Variants in PSMB5 observed in about 807,000 individuals in gnomAD.
PSMB5 encodes proteasome subunit beta type-5.
Under a neutral mutation model 22.8 loss-of-function variants are expected in PSMB5, and 2 were observed. The ratio of observed to expected loss-of-function variants is 0.09; its 90% confidence interval spans 0.04 to 0.28. The LOEUF (loss-of-function observed/expected upper bound fraction) is 0.28, where lower values mean the gene tolerates loss of function less well. PSMB5 is among the 10% of genes least tolerant of loss of function. PSMB5 has a pLI of 1.00. For synonymous variants in PSMB5, 133 were observed against 135.3 expected (o/e 0.98, Z 0.12); for missense variants, 269 against 343.8 (o/e 0.78, Z 1.72).
chr14:23,027,651 G>GAAAA, intron 2 of PSMB5: 3 of 742,154 alleles, frequency 4.0e-6, no homozygotes, highest in Non-Finnish European at 6.0e-6. Flanking sequence ...CTGTCTTCAG[G>GAAAA]AAAAAAAAAA....
intron 2 of PSMB5, among the ~76,000 whole-genome samples, chr14:23,031,886 C>T (rs1370700046): frequency 2.0e-5 from 3 of 152,126 alleles, no homozygotes; most frequent in Non-Finnish European, 4.4e-5. Context: ...GTCAGGAGTT[C>T]AAGACCAGCC....
At chr14:23,032,534 G>A in intron 2 of PSMB5, among the ~76,000 whole-genome samples, 1 of 152,026 alleles carries the variant, frequency 6.6e-6, no homozygotes. Flanking sequence ...GTAGCCACAA[G>A]CCACACATGG....
intron 2 of PSMB5, among the ~76,000 whole-genome samples, chr14:23,026,880 T>G (rs1234197483): frequency 7.3e-6 from 1 of 136,556 alleles, no homozygotes; most frequent in African/African-American, 2.8e-5. Context: ...GTCAGGCGTT[T>G]GAGACCAGCC....
chr14:23,034,933 C>G, upstream of PSMB5: 1 of 1,568,280 alleles, frequency 6.4e-7, no homozygotes, highest in Non-Finnish European at 8.7e-7. Flanking sequence ...CAAAGATAGG[C>G]CGGGCAACGC....
At chr14:23,034,139 A>AC (rs2046974294) in intron 1 of PSMB5, among the ~76,000 whole-genome samples, 1 of 152,226 alleles carries the variant, frequency 6.6e-6, no homozygotes, top group African/African-American at 2.4e-5. Context: ...AAAAAAAAAA[A>AC]AACAAATCAT....
At position 23,026,365 on chromosome 14, in the gene PSMB5, G is replaced by A. The variant is rs562640901; in HGVS notation, c.516C>T (p.Tyr172=). 2.7e-5 allele frequency: 43 copies of A among 1,613,492 alleles called. No individual in the cohort carries two copies. Among genetic ancestry groups the A allele is most frequent in the African/African-American group, 2.1e-4 (16 of 74,720 alleles). Residue 172 remains tyrosine, a synonymous_variant, in exon 3 of 3, where the codon TAC becomes TAT. Transcript: ENST00000361611. ...GWDKRGPGLY[Y]VDSEGNRISG... ...AAATCCGGTTCCCTTCACTGTCCAC[G>A]TAGTAGAGGCCTGGAAAGGGAGATG... is the stretch of plus-strand genomic sequence containing the variant.
rs1832958139 is a variant in PSMB5 at position 23,025,975 on chromosome 14, T to C, written c.*114A>G. On this transcript the variant is annotated 3_prime_UTR_variant, in exon 3 of 3. Coordinates refer to ENST00000361611, the MANE Select transcript of PSMB5 (RefSeq NM_002797.5). ...CAATGTGCCAGAGCTTAAAAAAAAG[T>C]ACTGATACAATTGAAGGCCCTTCCA... The C allele has an allele frequency of 2.0e-6, 3 of 1,528,464 alleles. No individual in the cohort carries two copies. The highest frequency in any genetic ancestry group is 4.5e-5 in the East Asian group (2 of 44,194). The allele number at this position is 1,528,464 out of a possible 1,614,324, so 94.7% of individuals were successfully genotyped here.
At chr14:23,029,171 A>G (rs561596004) in intron 2 of PSMB5, among the ~76,000 whole-genome samples, 1 of 152,240 alleles carries the variant, frequency 6.6e-6, no homozygotes, top group Non-Finnish European at 1.5e-5. Context: ...AGCCAGCTTG[A>G]GCACCTCTGC....
At chr14:23,027,842 A>G (rs760874814) in intron 2 of PSMB5, 141 of 1,535,024 alleles carry the variant, frequency 9.2e-5, no homozygotes, top group Non-Finnish European at 1.2e-4. Context: ...GTGAAAGATA[A>G]CATTTAAAAC....
At position 23,034,814 on chromosome 14, in the gene PSMB5, C is replaced by A; in HGVS notation, c.68G>T (p.Gly23Val). ...ACCTAGATCCAGCAGATCTGCACGA[C>A]CCCCAAGTCCGAAAAACCCGCGCTG... is the stretch of plus-strand genomic sequence containing the variant. ...VNQRGFFGLG[G>V]RADLLDLGPG... is the part of the protein sequence containing the mutation. The change falls in exon 1 of 3, where the codon GGT becomes GTT. Residue 23 changes from glycine (G) to valine (V), a missense_variant. Physicochemically the swap from Gly to Val is moderately radical, Grantham distance 109. Around this residue, in one of 3 missense-constraint regions of PSMB5, gnomAD observed 81 missense variants for 70.4 expected, o/e 1.15. Coordinates refer to ENST00000361611, the MANE Select transcript of PSMB5 (RefSeq NM_002797.5). 1.9e-6 allele frequency: 3 copies of A among 1,614,244 alleles called. No individual in the cohort carries two copies. The highest frequency in any genetic ancestry group is 2.5e-6 in the Non-Finnish European group (3 of 1,180,044).
chr14:23,033,151 G>A (rs1231291338), intron 2 of PSMB5, among the ~76,000 whole-genome samples: 1 of 151,298 alleles, frequency 6.6e-6, no homozygotes, highest in African/African-American at 2.4e-5. Context: ...GGGGGCGGAG[G>A]CTGCAGTGAG....
At chr14:23,026,980 G>A (rs1372174303) in intron 2 of PSMB5, among the ~76,000 whole-genome samples, 6 of 151,750 alleles carry the variant, frequency 4.0e-5, no homozygotes, top group Non-Finnish European at 8.8e-5. Context: ...TACTCAGGAG[G>A]CTGATGCAGG....
intron 2 of PSMB5, chr14:23,027,746 T>C: frequency 6.5e-7 from 1 of 1,543,718 alleles, no homozygotes; most frequent in Non-Finnish European, 8.8e-7. Context: ...AATAACTACC[T>C]TGCCATGTTG....
chr14:23,026,894 C>G (rs2046918308), intron 2 of PSMB5, among the ~76,000 whole-genome samples: 1 of 144,152 alleles, frequency 6.9e-6, no homozygotes, highest in African/African-American at 2.6e-5. Flanking sequence ...ACCAGCCTGA[C>G]CAACATGAAG....
chr14:23,029,972 G>A (rs1430480012), intron 2 of PSMB5, among the ~76,000 whole-genome samples: 3 of 151,862 alleles, frequency 2.0e-5, no homozygotes, highest in Non-Finnish European at 4.4e-5. Flanking sequence ...TAGTAGAGAT[G>A]GGGTTTCACC....
chr14:23,034,896 G>A lies in PSMB5; in HGVS notation c.-15C>T, dbSNP rs775994652. ...GCAAGCGCCATGTCTAGTGTGGGCA[G>A]AAAGAACTAATTCTGAGAACGCCTA... On this transcript the variant is annotated 5_prime_UTR_variant, in exon 1 of 3. Transcript: ENST00000361611. 3 of 1,611,666 alleles carry A rather than the reference G, an allele frequency of 1.9e-6. No homozygotes were observed. The highest frequency in any genetic ancestry group is 4.5e-5 in the East Asian group (2 of 44,824).
At position 23,034,846 on chromosome 14, in the gene PSMB5, C is replaced by G. The variant is rs753294367; in HGVS notation, c.36G>C (p.Pro12=). ...GTCCGAAAAACCCGCGCTGGTTCAC[C>G]GGTAGCGGTCTCTCCAACACGCTGG... ...ALASVLERPL[P]VNQRGFFGLG... Residue 12 remains proline (P), a synonymous_variant, in exon 1 of 3, where the codon CCG becomes CCC. Coordinates refer to ENST00000361611, the MANE Select transcript of PSMB5 (RefSeq NM_002797.5). The G allele has an allele frequency of 6.2e-7, 1 of 1,614,230 alleles. No individual in the cohort carries two copies. The highest frequency in any genetic ancestry group is 2.2e-5 in the East Asian group (1 of 44,884).
intron 2 of PSMB5, among the ~76,000 whole-genome samples, chr14:23,031,289 C>T (rs142753396): frequency 1.3e-5 from 2 of 152,194 alleles, no homozygotes; most frequent in African/African-American, 4.8e-5. Flanking sequence ...CCCTGGATCA[C>T]GTAAAATGTA....
Position 23,025,976 on chromosome 14 carries a change from A to G in PSMB5, c.*113T>C. ...AATGTGCCAGAGCTTAAAAAAAAGT[A>G]CTGATACAATTGAAGGCCCTTCCAC... On this transcript the variant is annotated 3_prime_UTR_variant, in exon 3 of 3. Transcript: ENST00000361611. 1 of 1,529,400 alleles carries G rather than the reference A, an allele frequency of 6.5e-7. No homozygotes were observed. The allele number at this position is 1,529,400 out of a possible 1,614,324, so 94.7% of individuals were successfully genotyped here. A position where few individuals can be genotyped will look rare whatever the true frequency, so the allele number is the denominator to read the frequency against.
Sources: gnomAD v4.1 joint callset for allele counts (sites outside exome capture counted in the v4.1 genomes callset) on GRCh38, gnomAD v4.1.1 for gene constraint, gnomAD v4.1.1 regional missense constraint, MANE v1.5 for transcripts, NCBI Gene and HGNC (gene_info 2026-07-23, HGNC 2026-07-21) for gene names.